The following LRRC3B variants were observed in gnomAD, a reference collection of about 807,000 sequenced individuals.
The protein encoded by LRRC3B is leucine-rich repeat-containing protein 3B.
LRRC3B carries 2 observed loss-of-function variants against 12.8 expected under a neutral mutation model. That is an observed-to-expected ratio of 0.16 (90% CI 0.06 to 0.49). The LOEUF (loss-of-function observed/expected upper bound fraction) is 0.49, where lower values mean the gene tolerates loss of function less well. Among genes scored for constraint, LRRC3B ranks in the 20% least tolerant of loss-of-function variants. The pLI is 0.96. For missense variants in LRRC3B, 189 were observed against 319.4 expected (o/e 0.59, Z 3.11); for synonymous variants, 132 against 122.0 (o/e 1.08, Z -0.54).
At chr3:26,644,984 A>G (rs1342594768) in intron 1 of LRRC3B, among the ~76,000 whole-genome samples, 1 of 152,182 alleles carries the variant, frequency 6.6e-6, no homozygotes, top group African/African-American at 2.4e-5. Flanking sequence ...ACACATACAC[A>G]TACAGACATA....
intron 1 of LRRC3B, among the ~76,000 whole-genome samples, chr3:26,672,804 C>CAAG (rs1381323272): frequency 1.3e-5 from 2 of 152,056 alleles, no homozygotes; most frequent in Admixed American, 6.6e-5. Context: ...AGAGTATATC[C>CAAG]AAGTCTTTAT....
intron 1 of LRRC3B, among the ~76,000 whole-genome samples, chr3:26,699,200 C>A (rs965872672): frequency 6.6e-6 from 1 of 152,120 alleles, no homozygotes; most frequent in East Asian, 1.9e-4. Flanking sequence ...ATGTGAGAAT[C>A]ATTTCCTAAT....
chr3:26,651,785 C>T (rs901500521), intron 1 of LRRC3B, among the ~76,000 whole-genome samples: 3 of 152,150 alleles, frequency 2.0e-5, no homozygotes, highest in African/African-American at 4.8e-5. Context: ...ATGGCAATTG[C>T]CTCAACTTTC....
intron 1 of LRRC3B, among the ~76,000 whole-genome samples, chr3:26,633,629 G>A (rs1303568874): frequency 2.6e-5 from 4 of 152,154 alleles, no homozygotes; most frequent in Admixed American, 6.5e-5. Flanking sequence ...CATTTGAACC[G>A]AATCCTGGAA....
At chr3:26,706,556 C>A (rs1174183837) in intron 1 of LRRC3B, among the ~76,000 whole-genome samples, 4 of 152,154 alleles carry the variant, frequency 2.6e-5, no homozygotes, top group Non-Finnish European at 5.9e-5. Context: ...AGTTCACAAG[C>A]ATTACATCCA....
chr3:26,640,954 A>T (rs1387484185), intron 1 of LRRC3B, among the ~76,000 whole-genome samples: 1 of 152,228 alleles, frequency 6.6e-6, no homozygotes, highest in Non-Finnish European at 1.5e-5. Flanking sequence ...CAGAGTCCTT[A>T]TGAATGACAT....
At chr3:26,688,932 C>T (rs1305224388) in intron 1 of LRRC3B, among the ~76,000 whole-genome samples, 1 of 152,138 alleles carries the variant, frequency 6.6e-6, no homozygotes, top group Non-Finnish European at 1.5e-5. Flanking sequence ...AACAGATGTG[C>T]CTAGATTCCC....
chr3:26,628,308 G>A (rs1427777845), intron 1 of LRRC3B, among the ~76,000 whole-genome samples: 1 of 151,190 alleles, frequency 6.6e-6, no homozygotes, highest in Non-Finnish European at 1.5e-5. Flanking sequence ...AAAAGTCTTG[G>A]GTAAGATATT....
At chr3:26,685,486 CCTCTCTCTCT>C (rs61229084) in intron 1 of LRRC3B, among the ~76,000 whole-genome samples, 39 of 49,558 alleles carry the variant, frequency 7.9e-4, no homozygotes, top group African/African-American at 3.4e-3. Context: ...AGACTCTCTC[CCTCTCTCTCT>C]CTCTCTCTCT....
chr3:26,703,075 G>C (rs1198404004), intron 1 of LRRC3B, among the ~76,000 whole-genome samples: 8 of 152,080 alleles, frequency 5.3e-5, no homozygotes. Context: ...TGATCCCAAA[G>C]ACCAGCAGTG....
At chr3:26,688,167 G>T (rs1159096595) in intron 1 of LRRC3B, among the ~76,000 whole-genome samples, 1 of 152,188 alleles carries the variant, frequency 6.6e-6, no homozygotes, top group Admixed American at 6.5e-5. Flanking sequence ...GAATTACGTT[G>T]AGTAAAAAAT....
intron 1 of LRRC3B, among the ~76,000 whole-genome samples, chr3:26,673,123 G>A (rs1440422162): frequency 6.6e-6 from 1 of 152,188 alleles, no homozygotes; most frequent in African/African-American, 2.4e-5. Context: ...GTCTGCTGCA[G>A]TGGCAAGCAA....
intron 1 of LRRC3B, among the ~76,000 whole-genome samples, chr3:26,645,615 A>G (rs1337092733): frequency 2.0e-5 from 3 of 152,178 alleles, no homozygotes; most frequent in African/African-American, 4.8e-5. Flanking sequence ...TTGAATGCCT[A>G]CTATGCTTCC....
chr3:26,660,068 G>A (rs1270517602), intron 1 of LRRC3B, among the ~76,000 whole-genome samples: 1 of 152,000 alleles, frequency 6.6e-6, no homozygotes, highest in Non-Finnish European at 1.5e-5. Context: ...CTCCCTCCGA[G>A]TTTTAGTAGG....
intron 1 of LRRC3B, among the ~76,000 whole-genome samples, chr3:26,696,595 T>C (rs1256958110): frequency 6.6e-6 from 1 of 152,212 alleles, no homozygotes; most frequent in East Asian, 1.9e-4. Context: ...CCAGCACAGT[T>C]GTCACTAGCT....
intron 1 of LRRC3B, among the ~76,000 whole-genome samples, chr3:26,707,303 T>C (rs1249427369): frequency 6.6e-6 from 1 of 150,758 alleles, no homozygotes; most frequent in African/African-American, 2.4e-5. Context: ...AGGCGGAGAT[T>C]TGCAGTGAGC....
chr3:26,658,222 T>A (rs1291708023), intron 1 of LRRC3B, among the ~76,000 whole-genome samples: 1 of 151,992 alleles, frequency 6.6e-6, no homozygotes, highest in African/African-American at 2.4e-5. Flanking sequence ...CACGCCCAGC[T>A]AATTTTTTGT....
At chr3:26,630,707 G>A (rs963309041) in intron 1 of LRRC3B, among the ~76,000 whole-genome samples, 1 of 152,006 alleles carries the variant, frequency 6.6e-6, no homozygotes, top group African/African-American at 2.4e-5. Context: ...ACAAAGTTGC[G>A]ACTTTTTTTT....
At chr3:26,643,931 G>T (rs531804590) in intron 1 of LRRC3B, among the ~76,000 whole-genome samples, 1 of 152,276 alleles carries the variant, frequency 6.6e-6, no homozygotes, top group East Asian at 1.9e-4. Flanking sequence ...ACACACTCAT[G>T]CACAAGTATG....
Sources: gnomAD v4.1 joint callset for allele counts (sites outside exome capture counted in the v4.1 genomes callset) on GRCh38, gnomAD v4.1.1 for gene constraint, MANE v1.5 for transcripts, NCBI Gene and HGNC (gene_info 2026-07-23, HGNC 2026-07-21) for gene names.